The following GHR variants were observed in gnomAD, a reference collection of about 807,000 sequenced individuals.
The protein encoded by GHR is growth hormone receptor.
In GHR, 35 loss-of-function variants were observed where a neutral mutation model predicts 67.1. The ratio of observed to expected loss-of-function variants is 0.52; its 90% CI spans 0.40 to 0.69. The LOEUF is 0.69. GHR is among the 30% of genes least tolerant of loss of function. GHR has a pLI of 0.00. For synonymous variants in GHR, 272 were observed against 269.1 expected (o/e 1.01, Z -0.10); for missense variants, 792 against 764.6 (o/e 1.04, Z -0.42).
chr5:42,539,678 T>C (rs188811343), intron 1 of GHR, among the ~76,000 whole-genome samples: 3 of 152,306 alleles, frequency 2.0e-5, no homozygotes, highest in Admixed American at 2.0e-4. Flanking sequence ...CCTAACACCA[T>C]TTACTGAGGA....
At chr5:42,565,755 G>A (rs1749887053) in intron 1 of GHR, 109 bp from the exon 2 acceptor site, 1 of 1,597,086 alleles carries the variant, frequency 6.3e-7, no homozygotes, top group Admixed American at 1.7e-5. Flanking sequence ...ATTCCTTCTG[G>A]AACTGACTCG....
intron 3 of GHR, among the ~76,000 whole-genome samples, chr5:42,676,438 T>A (rs1295477837): frequency 6.6e-6 from 1 of 152,232 alleles, no homozygotes; most frequent in Non-Finnish European, 1.5e-5. Flanking sequence ...TAAATGTGAA[T>A]TTCTTATGTT....
At chr5:42,489,215 T>G (rs1000323644) in intron 1 of GHR, among the ~76,000 whole-genome samples, 2 of 152,190 alleles carry the variant, frequency 1.3e-5, no homozygotes, top group Non-Finnish European at 2.9e-5. Context: ...TACCTCATTT[T>G]CCTAGTCCTC....
chr5:42,580,520 T>C (rs1751109036), intron 2 of GHR, among the ~76,000 whole-genome samples: 1 of 152,200 alleles, frequency 6.6e-6, no homozygotes. Flanking sequence ...TCCTAGGTTC[T>C]AAATGTTAGA....
intron 1 of GHR, among the ~76,000 whole-genome samples, chr5:42,544,906 C>A (rs1224349403): frequency 1.3e-5 from 2 of 152,082 alleles, no homozygotes; most frequent in Non-Finnish European, 2.9e-5. Context: ...TTGATATTCA[C>A]AATTTTTTAC....
intron 1 of GHR, among the ~76,000 whole-genome samples, chr5:42,537,698 C>A (rs563604349): frequency 6.6e-6 from 1 of 151,990 alleles, no homozygotes; most frequent in Non-Finnish European, 1.5e-5. Context: ...CAGTTTAAAT[C>A]CATTGTTTCT....
At chr5:42,569,533 A>G (rs542736285) in intron 2 of GHR, among the ~76,000 whole-genome samples, 2 of 152,292 alleles carry the variant, frequency 1.3e-5, no homozygotes, top group South Asian at 2.1e-4. Flanking sequence ...TGTATGCCAT[A>G]TCCAGCCAGT....
chr5:42,575,971 T>C (rs765999847), intron 2 of GHR, among the ~76,000 whole-genome samples: 13 of 150,726 alleles, frequency 8.6e-5, no homozygotes, highest in Non-Finnish European at 1.9e-4. Context: ...GAGGCAGAAG[T>C]TGCAGTGAGC....
intron 2 of GHR, among the ~76,000 whole-genome samples, chr5:42,615,563 A>C (rs75960232): frequency 6.6e-6 from 1 of 152,072 alleles, no homozygotes; most frequent in African/African-American, 2.4e-5. Context: ...ATTTTTCATC[A>C]TCAAGAAATA....
intron 1 of GHR, among the ~76,000 whole-genome samples, chr5:42,461,915 A>T (rs912415768): frequency 6.6e-6 from 1 of 152,216 alleles, no homozygotes; most frequent in South Asian, 2.1e-4. Flanking sequence ...AATGAGCATC[A>T]CTTTCTTTAA....
intron 1 of GHR, among the ~76,000 whole-genome samples, chr5:42,474,093 G>A (rs1299310431): frequency 6.6e-6 from 1 of 151,488 alleles, no homozygotes; most frequent in Non-Finnish European, 1.5e-5. Context: ...GGAGGCTGAG[G>A]TAGAAGAATC....
rs996932796 is a variant in GHR at position 42,548,314 on chromosome 5, G to C, written c.-11-17550G>C. 4 of 985,184 alleles carry C rather than the reference G, an allele frequency of 4.1e-6. No homozygotes were observed. The Admixed American group carries it at 2.5e-4, about 61-fold the overall frequency. 61.0% of individuals were successfully genotyped at this position (985,184 alleles called of 1,614,324 possible). On this transcript the variant is annotated intron_variant, in intron 1 of 9. Coordinates refer to ENST00000230882, the MANE Select transcript of GHR (RefSeq NM_000163.5). ...TCAAAGCAGAAAGACCAAGAATTTA[G>C]AGATTAATACATGCCAAGTGGTAAC...
At chr5:42,435,772 A>T (rs1743296972) in intron 1 of GHR, among the ~76,000 whole-genome samples, 1 of 152,120 alleles carries the variant, frequency 6.6e-6, no homozygotes, top group Non-Finnish European at 1.5e-5. Flanking sequence ...TGATTTTATG[A>T]TTTTTAAATA....
At chr5:42,562,236 G>A (rs371949864) in intron 1 of GHR, among the ~76,000 whole-genome samples, 45 of 152,264 alleles carry the variant, frequency 3.0e-4, no homozygotes, top group South Asian at 1.7e-3. Flanking sequence ...TGAATGTCAC[G>A]TCTCGTGGCC....
At chr5:42,576,143 T>TAAAATAAAATAAA (rs1359047675) in intron 2 of GHR, among the ~76,000 whole-genome samples, 19 of 83,474 alleles carry the variant, frequency 2.3e-4, no homozygotes, top group African/African-American at 9.5e-4. Context: ...TAAAATAAAA[T>TAAAATAAAATAAA]AGTAAAGTAA....
chr5:42,664,268 A>G (rs1273188077), intron 3 of GHR, among the ~76,000 whole-genome samples: 1 of 152,220 alleles, frequency 6.6e-6, no homozygotes, highest in African/African-American at 2.4e-5. Context: ...GGAACCAAAA[A>G]AGAGCCTGCA....
At chr5:42,429,003 T>G (rs1742975121) in intron 1 of GHR, among the ~76,000 whole-genome samples, 1 of 152,200 alleles carries the variant, frequency 6.6e-6, no homozygotes, top group Non-Finnish European at 1.5e-5. Context: ...GCTTCCACAT[T>G]TTTGGGTATC....
At chr5:42,556,565 T>G (rs1240837659) in intron 1 of GHR, among the ~76,000 whole-genome samples, 1 of 152,208 alleles carries the variant, frequency 6.6e-6, no homozygotes, top group Non-Finnish European at 1.5e-5. Context: ...GTTTCATTTT[T>G]CAAATTTTGT....
intron 3 of GHR, among the ~76,000 whole-genome samples, chr5:42,642,255 T>G (rs1243474093): frequency 6.6e-6 from 1 of 152,132 alleles, no homozygotes; most frequent in African/African-American, 2.4e-5. Context: ...TCTAGTAAGA[T>G]CCGTACAATG....
Sources: gnomAD v4.1 joint callset for allele counts (sites outside exome capture counted in the v4.1 genomes callset) on GRCh38, gnomAD v4.1.1 for gene constraint, MANE v1.5 for transcripts, NCBI Gene and HGNC (gene_info 2026-07-23, HGNC 2026-07-21) for gene names.